Variants in CLEC16A observed in about 807,000 individuals in gnomAD.
The protein encoded by CLEC16A is protein CLEC16A.
Under a neutral mutation model 109.5 loss-of-function variants are expected in CLEC16A, and 51 were observed. The ratio of observed to expected loss-of-function variants is 0.47; its 90% CI spans 0.37 to 0.59. CLEC16A has a LOEUF of 0.59. CLEC16A is among the 20% of genes least tolerant of loss of function. CLEC16A has a pLI of 0.00. For missense variants in CLEC16A, 1,339 were observed against 1,394.0 expected, an observed-to-expected ratio of 0.96 and a Z score of 0.63; for synonymous variants, 673 against 564.2, an observed-to-expected ratio of 1.19 and a Z score of -2.73.
chr16:10,950,941 T>G (rs1276279558), intron 1 of CLEC16A, among the ~76,000 whole-genome samples: 1 of 152,242 alleles, frequency 6.6e-6, no homozygotes, highest in Non-Finnish European at 1.5e-5. Flanking sequence ...CTCATTATGG[T>G]GCAAGGCATA....
chr16:10,972,860 T>G (rs547766174), intron 6 of CLEC16A, 78 bp from the exon 7 acceptor site: 2 of 1,466,462 alleles, frequency 1.4e-6, no homozygotes, highest in East Asian at 2.4e-5. Flanking sequence ...GGTTTTGCTT[T>G]GTTTTTGTTT....
Position 11,178,312 on chromosome 16 carries a change from C to G in CLEC16A, c.2807-23C>G. On this transcript the variant is annotated intron_variant, in intron 23 of 23. Transcript: ENST00000409790. This position sits in a 1 kb window ranked among gnomAD's most constrained non-coding sequence, Gnocchi z 6.5. ...GGTGTCTCAAGGGCTCAGTGTGTTTCCGGTTTTTCTCCCCCAATCCAGATG... is the reference window on the plus strand; with the variant it reads ...GGTGTCTCAAGGGCTCAGTGTGTTTGCGGTTTTTCTCCCCCAATCCAGATG... 6.3e-7 allele frequency: 1 copy of G among 1,582,686 alleles called. No individual in the cohort carries two copies. Among genetic ancestry groups the G allele is most frequent in the Non-Finnish European group, 8.6e-7 (1 of 1,157,930 alleles).
intron 22 of CLEC16A, among the ~76,000 whole-genome samples, chr16:11,140,646 C>T (rs760608960): frequency 4.6e-5 from 7 of 152,132 alleles, no homozygotes; most frequent in East Asian, 3.9e-4. Context: ...TGACCCAACA[C>T]GAAGCACCTG....
At chr16:11,099,914 G>A (rs1847734441) in intron 19 of CLEC16A, among the ~76,000 whole-genome samples, 1 of 152,128 alleles carries the variant, frequency 6.6e-6, no homozygotes, top group African/African-American at 2.4e-5. Flanking sequence ...CCAGCATGTG[G>A]CAGGAAGCAG....
intron 19 of CLEC16A, among the ~76,000 whole-genome samples, chr16:11,061,344 T>G (rs573555436): frequency 6.6e-6 from 1 of 152,292 alleles, no homozygotes; most frequent in South Asian, 2.1e-4. Context: ...TGGCATCGGT[T>G]TGGTTGGTTT....
At chr16:11,172,072 A>C (rs535126631) in intron 23 of CLEC16A, among the ~76,000 whole-genome samples, 1 of 152,310 alleles carries the variant, frequency 6.6e-6, no homozygotes, top group South Asian at 2.1e-4. Context: ...ACAGTCACAC[A>C]CATGCCACTG....
chr16:11,049,556 A>G (rs112010732), intron 17 of CLEC16A, among the ~76,000 whole-genome samples: 2 of 152,200 alleles, frequency 1.3e-5, no homozygotes, highest in Non-Finnish European at 2.9e-5. Flanking sequence ...TTCCAGAGAA[A>G]TACAAAGGTG....
chr16:10,964,264 G>A (rs920514191), intron 3 of CLEC16A, among the ~76,000 whole-genome samples: 2 of 152,228 alleles, frequency 1.3e-5, no homozygotes, highest in Non-Finnish European at 2.9e-5. Context: ...AATGTGGGCC[G>A]ACTCCTGTCT....
intron 19 of CLEC16A, among the ~76,000 whole-genome samples, chr16:11,064,164 A>G (rs867700846): frequency 6.6e-6 from 1 of 152,198 alleles, no homozygotes; most frequent in Non-Finnish European, 1.5e-5. Context: ...CCACCCACAC[A>G]GTGTATTAAA....
intron 11 of CLEC16A, among the ~76,000 whole-genome samples, chr16:11,017,915 A>C (rs987087630): frequency 1.3e-5 from 2 of 151,996 alleles, no homozygotes; most frequent in African/African-American, 4.8e-5. Context: ...ATCCTGGAAC[A>C]GAAAAAAGAC....
At chr16:11,099,490 T>G (rs758282453) in intron 19 of CLEC16A, among the ~76,000 whole-genome samples, 1 of 152,216 alleles carries the variant, frequency 6.6e-6, no homozygotes, top group African/African-American at 2.4e-5. Flanking sequence ...AATAGCCACA[T>G]GTGTGGTGGC....
intron 2 of CLEC16A, among the ~76,000 whole-genome samples, chr16:10,959,695 A>T (rs8050026): frequency 0.014 from 2,061 of 148,520 alleles, 41 homozygotes; most frequent in African/African-American, 0.048. Context: ...CCCAGCTGGA[A>T]TTTTTTTTTT....
chr16:11,112,990 T>C (rs938531473), intron 19 of CLEC16A, among the ~76,000 whole-genome samples: 1 of 152,204 alleles, frequency 6.6e-6, no homozygotes. Context: ...AGGTACTTAG[T>C]GCCTAGTACA....
intron 20 of CLEC16A, 69 bp downstream of exon 20, chr16:11,120,835 CACA>C: frequency 8.3e-7 from 1 of 1,200,478 alleles, no homozygotes; most frequent in South Asian, 2.3e-5. Flanking sequence ...CACACACACA[CACA>C]CCACACACAA....
intron 19 of CLEC16A, among the ~76,000 whole-genome samples, chr16:11,100,322 T>G (rs1235716852): frequency 6.6e-6 from 1 of 152,218 alleles, no homozygotes; most frequent in African/African-American, 2.4e-5. Context: ...TTTCTCCGCC[T>G]GCTGGTGGAT....
chr16:11,115,986 C>T (rs1251664765), intron 19 of CLEC16A, among the ~76,000 whole-genome samples: 1 of 151,472 alleles, frequency 6.6e-6, no homozygotes, highest in African/African-American at 2.4e-5. Flanking sequence ...GCTGAGATTA[C>T]AGGCATGAGC....
chr16:11,040,421 C>A (rs2047261020), intron 14 of CLEC16A: 1 of 153,068 alleles, frequency 6.5e-6, no homozygotes, highest in Non-Finnish European at 1.5e-5. Flanking sequence ...GCCAGGAGAG[C>A]CGATGGAGCC....
At chr16:10,985,302 G>A (rs1404050228) in intron 10 of CLEC16A, among the ~76,000 whole-genome samples, 8 of 151,216 alleles carry the variant, frequency 5.3e-5, no homozygotes, top group African/African-American at 1.9e-4. Flanking sequence ...GGTCTTTGCA[G>A]TATTTAAAAG....
chr16:11,141,657 G>A (rs951009656), intron 22 of CLEC16A, among the ~76,000 whole-genome samples: 17 of 152,250 alleles, frequency 1.1e-4, no homozygotes, highest in African/African-American at 4.1e-4. Context: ...ATTGGAGACA[G>A]CAGTGCGGGG....
Sources: gnomAD v4.1 joint callset for allele counts (sites outside exome capture counted in the v4.1 genomes callset) on GRCh38, gnomAD v4.1.1 for gene constraint, Gnocchi (gnomAD v3.1) non-coding constraint, MANE v1.5 for transcripts, NCBI Gene and HGNC (gene_info 2026-07-23, HGNC 2026-07-21) for gene names.